The following GABRB1 variants were observed in gnomAD, a reference collection of about 807,000 sequenced individuals.
GABRB1 encodes the protein gamma-aminobutyric acid receptor subunit beta-1.
In GABRB1, 17 loss-of-function variants were observed where a neutral mutation model predicts 51.6. The observed-to-expected ratio is 0.33, with a 90% CI of 0.23 to 0.49. The LOEUF is 0.49. GABRB1 is among the 20% of genes least tolerant of loss of function. The pLI is 0.99. For missense variants in GABRB1, 410 were observed against 600.6 expected, an observed-to-expected ratio of 0.68 and a Z score of 3.32; for synonymous variants, 247 against 218.9, an observed-to-expected ratio of 1.13 and a Z score of -1.14.
At chr4:47,253,309 G>A (rs1192280008) in intron 4 of GABRB1, among the ~76,000 whole-genome samples, 1 of 152,240 alleles carries the variant, frequency 6.6e-6, no homozygotes, top group Non-Finnish European at 1.5e-5. Context: ...ATTTGTGTGA[G>A]TCCGTGAGCT....
At chr4:47,246,299 T>TATATATATATAC (rs1329276891) in intron 4 of GABRB1, among the ~76,000 whole-genome samples, 8 of 84,140 alleles carry the variant, frequency 9.5e-5, no homozygotes, top group Admixed American at 1.5e-4. Context: ...TATATATATA[T>TATATATATATAC]ACACACACAC....
At position 47,283,356 on chromosome 4, in the gene GABRB1, CTTTTTTTTTTTTTTTTTTTTTTTTTTTT is replaced by C. The variant is rs570311247; in HGVS notation, c.462-36751_462-36724del. 4.0e-4 allele frequency among the ~76,000 whole-genome samples: 31 copies of C among 77,298 alleles called. 1 individual carries two copies. Among genetic ancestry groups the C allele is most frequent in the African/African-American group, 9.1e-4 (18 of 19,678 alleles). 50.7% of individuals were successfully genotyped at this position (77,298 alleles called of 152,430 possible). A position where few individuals can be genotyped will look rare whatever the true frequency, so the allele number is the denominator to read the frequency against. ...GGCAATGTTCCATACCTGGTGGCCC[CTTTTTTTTTTTTTTTTTTTTTTTTTTTT>C]TTTTTTTTTTTTTTTTTTTGAGACA... On this transcript the variant is annotated intron_variant, in intron 4 of 8. Coordinates refer to ENST00000295454, the MANE Select transcript of GABRB1 (RefSeq NM_000812.4).
chr4:47,074,994 GC>G (rs1335752606), intron 3 of GABRB1, among the ~76,000 whole-genome samples: 1 of 152,124 alleles, frequency 6.6e-6, no homozygotes. Context: ...AGGAAGAGCT[GC>G]TTTTAGAGCA....
intron 3 of GABRB1, among the ~76,000 whole-genome samples, chr4:47,131,065 T>G (rs987205942): frequency 2.0e-5 from 3 of 152,148 alleles, no homozygotes; most frequent in Non-Finnish European, 4.4e-5. Context: ...TCTGTGTGCT[T>G]ACATTCACAA....
At chr4:47,172,526 A>G (rs1266458674) in intron 4 of GABRB1, among the ~76,000 whole-genome samples, 1 of 151,796 alleles carries the variant, frequency 6.6e-6, no homozygotes, top group Non-Finnish European at 1.5e-5. Flanking sequence ...TAAGTAGAGC[A>G]TGCTTTGGCC....
At chr4:47,308,243 G>C (rs1724539572) in intron 4 of GABRB1, among the ~76,000 whole-genome samples, 1 of 152,014 alleles carries the variant, frequency 6.6e-6, no homozygotes, top group Non-Finnish European at 1.5e-5. Context: ...GAAGGAAACA[G>C]AATCCTAAGT....
At chr4:47,406,424 T>C (rs1728570961) in intron 7 of GABRB1, among the ~76,000 whole-genome samples, 1 of 152,274 alleles carries the variant, frequency 6.6e-6, no homozygotes, top group South Asian at 2.1e-4. Context: ...CTTTTGTTTT[T>C]ATTTTGTGCA....
intron 3 of GABRB1, among the ~76,000 whole-genome samples, chr4:47,136,616 T>C (rs1164449808): frequency 2.0e-5 from 3 of 151,998 alleles, no homozygotes; most frequent in Admixed American, 1.3e-4. Context: ...ACTATAGGTT[T>C]ACAAACTCTA....
intron 4 of GABRB1, among the ~76,000 whole-genome samples, chr4:47,317,228 C>T (rs1337777245): frequency 6.6e-6 from 1 of 151,806 alleles, no homozygotes; most frequent in Non-Finnish European, 1.5e-5. Flanking sequence ...TCCAAATGTC[C>T]CCAGTGAGGC....
chr4:47,245,621 C>A (rs954694533), intron 4 of GABRB1, among the ~76,000 whole-genome samples: 3 of 151,974 alleles, frequency 2.0e-5, no homozygotes, highest in African/African-American at 7.3e-5. Flanking sequence ...CCATGAAACC[C>A]AATAGGAAGC....
At chr4:47,420,165 A>T (rs996944459) in intron 8 of GABRB1, among the ~76,000 whole-genome samples, 1 of 152,232 alleles carries the variant, frequency 6.6e-6, no homozygotes, top group African/African-American at 2.4e-5. Flanking sequence ...AGGGTTCAAC[A>T]TGCAGATTCC....
chr4:47,192,683 A>G (rs1255879074), intron 4 of GABRB1, among the ~76,000 whole-genome samples: 1 of 152,220 alleles, frequency 6.6e-6, no homozygotes, highest in African/African-American at 2.4e-5. Flanking sequence ...GCAGTCCCAC[A>G]AACAGAATAG....
intron 3 of GABRB1, among the ~76,000 whole-genome samples, chr4:47,059,946 T>G (rs1345379459): frequency 6.6e-6 from 1 of 152,202 alleles, no homozygotes; most frequent in Non-Finnish European, 1.5e-5. Context: ...GTCCAAATCA[T>G]CATTGCCATT....
At chr4:47,256,689 G>C (rs1265475007) in intron 4 of GABRB1, among the ~76,000 whole-genome samples, 1 of 152,166 alleles carries the variant, frequency 6.6e-6, no homozygotes, top group African/African-American at 2.4e-5. Context: ...GCAGGAGAGA[G>C]AGGGAGAAGA....
intron 3 of GABRB1, among the ~76,000 whole-genome samples, chr4:47,069,648 C>A (rs1426394692): frequency 1.3e-5 from 2 of 152,156 alleles, no homozygotes; most frequent in Admixed American, 1.3e-4. Context: ...TAAATATGTT[C>A]TCCTGATTAG....
intron 4 of GABRB1, among the ~76,000 whole-genome samples, chr4:47,248,990 T>G (rs1721876725): frequency 6.6e-6 from 1 of 152,132 alleles, no homozygotes; most frequent in Non-Finnish European, 1.5e-5. Context: ...GTATTTTGTT[T>G]GTTTGTTTCA....
At chr4:47,195,434 AG>A (rs1719627825) in intron 4 of GABRB1, among the ~76,000 whole-genome samples, 1 of 117,900 alleles carries the variant, frequency 8.5e-6, no homozygotes, top group Non-Finnish European at 1.7e-5. Flanking sequence ...ATAGATAGAT[AG>A]ATAGATAGAT....
chr4:47,001,358 G>A (rs555202578), intron 1 of GABRB1, among the ~76,000 whole-genome samples: 43 of 152,124 alleles, frequency 2.8e-4, no homozygotes, highest in Non-Finnish European at 5.3e-4. Flanking sequence ...TAGCCAGGAT[G>A]GTCTGAATCT....
chr4:47,093,778 C>A (rs1016032004), intron 3 of GABRB1, among the ~76,000 whole-genome samples: 5 of 152,070 alleles, frequency 3.3e-5, no homozygotes, highest in Admixed American at 2.6e-4. Flanking sequence ...CAAATGTGCA[C>A]AAATTATTAT....
Sources: allele counts gnomAD v4.1 joint callset (sites outside exome capture counted in the v4.1 genomes callset), GRCh38; gene constraint gnomAD v4.1.1; transcripts MANE v1.5; gene names NCBI Gene and HGNC (gene_info 2026-07-23, HGNC 2026-07-21).